SAMTOR: variants seen among roughly 807,000 people sequenced by gnomAD.
SAMTOR encodes the protein S-adenosylmethionine sensor upstream of mTORC1.
At chr7:112,829,849 G>A in the SAMTOR span, among the ~76,000 whole-genome samples, 1 of 152,130 alleles carries the variant, frequency 6.6e-6, no homozygotes, top group African/African-American at 2.4e-5. Flanking sequence ...GATGGGAACA[G>A]GTACAATATT....
the SAMTOR span, among the ~76,000 whole-genome samples, chr7:112,862,045 A>G: frequency 1.3e-5 from 2 of 152,148 alleles, no homozygotes; most frequent in South Asian, 4.1e-4. Context: ...ATTTGAGCTC[A>G]GGAGTTCCAG....
the SAMTOR span, among the ~76,000 whole-genome samples, chr7:112,869,315 G>A: frequency 1.3e-5 from 2 of 152,070 alleles, no homozygotes; most frequent in African/African-American, 2.4e-5. Flanking sequence ...TGGCACTGGC[G>A]GGATAAGGAT....
chr7:112,848,984 G>C, the SAMTOR span, among the ~76,000 whole-genome samples: 1 of 151,608 alleles, frequency 6.6e-6, no homozygotes, highest in Admixed American at 6.6e-5. Flanking sequence ...GGGAGGCAGA[G>C]GTTGCAGTGA....
the SAMTOR span, among the ~76,000 whole-genome samples, chr7:112,896,159 G>C: frequency 6.6e-6 from 1 of 152,078 alleles, no homozygotes; most frequent in African/African-American, 2.4e-5. Flanking sequence ...GGTCCCTCTG[G>C]GTTTATGATA....
chr7:112,910,650 C>T, the SAMTOR span, among the ~76,000 whole-genome samples: 3 of 152,042 alleles, frequency 2.0e-5, no homozygotes, highest in African/African-American at 7.2e-5. Context: ...CGGTACACCT[C>T]ACAACAAAAA....
the SAMTOR span, among the ~76,000 whole-genome samples, chr7:112,939,013 C>T: frequency 6.6e-6 from 1 of 152,190 alleles, no homozygotes; most frequent in African/African-American, 2.4e-5. Context: ...GTGTAGCCCG[C>T]CCCCTTTTAA....
chr7:112,853,573 A>C, the SAMTOR span, among the ~76,000 whole-genome samples: 6 of 152,138 alleles, frequency 3.9e-5, no homozygotes, highest in Non-Finnish European at 8.8e-5. Flanking sequence ...AATTCTAAGT[A>C]AGCTTTTTTT....
At chr7:112,848,825 C>T in the SAMTOR span, among the ~76,000 whole-genome samples, 18 of 151,988 alleles carry the variant, frequency 1.2e-4, no homozygotes, top group Admixed American at 6.6e-4. Context: ...CCGAGGTGGG[C>T]GATCACGAGG....
At chr7:112,936,032 GTCTATAAC>G in the SAMTOR span, among the ~76,000 whole-genome samples, 6 of 152,148 alleles carry the variant, frequency 3.9e-5, no homozygotes, top group Non-Finnish European at 7.4e-5. Context: ...TTAAAAAGCT[GTCTATAAC>G]TCTTATACAT....
chr7:112,853,196 C>T, the SAMTOR span, among the ~76,000 whole-genome samples: 3 of 151,738 alleles, frequency 2.0e-5, no homozygotes, highest in Non-Finnish European at 4.4e-5. Context: ...CTTAAAACTG[C>T]ATTATTTAAA....
the SAMTOR span, among the ~76,000 whole-genome samples, chr7:112,918,028 G>T: frequency 6.6e-6 from 1 of 152,162 alleles, no homozygotes; most frequent in Admixed American, 6.5e-5. Flanking sequence ...CACTCTGCAG[G>T]ATATATCCAG....
the SAMTOR span, among the ~76,000 whole-genome samples, chr7:112,877,491 T>A: frequency 6.6e-6 from 1 of 152,172 alleles, no homozygotes; most frequent in Non-Finnish European, 1.5e-5. Context: ...AAAAATGTAT[T>A]AACTCATTGA....
the SAMTOR span, among the ~76,000 whole-genome samples, chr7:112,881,252 A>G: frequency 7.2e-5 from 11 of 152,170 alleles, no homozygotes. Context: ...AGGGAGGCCA[A>G]GGGCAGCATA....
the SAMTOR span, among the ~76,000 whole-genome samples, chr7:112,870,721 A>G: frequency 6.6e-6 from 1 of 151,648 alleles, no homozygotes; most frequent in Admixed American, 6.6e-5. Context: ...TAAATGCTCC[A>G]TTAGAAAGAC....
the SAMTOR span, among the ~76,000 whole-genome samples, chr7:112,931,865 T>C: frequency 7.9e-5 from 12 of 152,102 alleles, no homozygotes; most frequent in Non-Finnish European, 1.3e-4. Flanking sequence ...GAGACTGATA[T>C]ATTGGGGTTG....
the SAMTOR span, among the ~76,000 whole-genome samples, chr7:112,914,094 T>G: frequency 2.0e-5 from 3 of 152,240 alleles, no homozygotes; most frequent in East Asian, 5.8e-4. Context: ...TAAATACATA[T>G]TTTTCTCTGA....
chr7:112,916,134 T>C, the SAMTOR span, among the ~76,000 whole-genome samples: 1 of 152,194 alleles, frequency 6.6e-6, no homozygotes, highest in African/African-American at 2.4e-5. Flanking sequence ...TCTCCAAAGT[T>C]TGTAAGCCTT....
the SAMTOR span, among the ~76,000 whole-genome samples, chr7:112,888,053 C>CAT: frequency 0.011 from 1,622 of 152,248 alleles, 29 homozygotes; most frequent in African/African-American, 0.037. Context: ...TCTTTTCTAA[C>CAT]GTGCATTCAA....
At chr7:112,935,735 A>T in the SAMTOR span, among the ~76,000 whole-genome samples, 7 of 152,166 alleles carry the variant, frequency 4.6e-5, no homozygotes, top group Non-Finnish European at 8.8e-5. Context: ...AAAAATAAAA[A>T]CGAAATGGAA....
Sources: gnomAD v4.1 joint callset for allele counts (sites outside exome capture counted in the v4.1 genomes callset) on GRCh38, gnomAD v4.1.1 for gene constraint, MANE v1.5 for transcripts, NCBI Gene and HGNC (gene_info 2026-07-23, HGNC 2026-07-21) for gene names.